Variants in PFKFB3 observed in about 807,000 individuals in gnomAD.
PFKFB3 encodes 6-phosphofructo-2-kinase/fructose-2,6-bisphosphatase 3.
In PFKFB3, 33 loss-of-function variants were observed where a neutral mutation model predicts 68.0. That is an observed-to-expected ratio of 0.49 (90% confidence interval 0.37 to 0.65). The LOEUF is 0.65. Ranked by LOEUF, PFKFB3 falls within the 30% of genes least tolerant of loss-of-function variation. The pLI is 0.00. For missense variants in PFKFB3, 586 were observed against 712.2 expected (o/e 0.82, Z 2.02); for synonymous variants, 315 against 288.2 (o/e 1.09, Z -0.94).
rs751956073 is a variant in PFKFB3 at position 6,229,167 on chromosome 10, T to C, written c.1515+2802T>C. 1 of 477,054 alleles carries C rather than the reference T, an allele frequency of 2.1e-6. No individual in the cohort carries two copies. The highest frequency in any genetic ancestry group is 3.3e-4 in the Middle Eastern group (1 of 3,050). The allele number at this position is 477,054 out of a possible 1,614,324, so 29.6% of individuals were successfully genotyped here. On this transcript the variant is annotated intron_variant, in intron 14 of 14. Transcript: ENST00000379775. This position sits in a 1 kb window ranked among gnomAD's most constrained non-coding sequence, Gnocchi z 4.3. Reference sequence around the variant, plus strand: ...AGATGCTGAAAAGAATGACTGGCTTTGGAAATGGGAGAGGTTTGGCATGGC... The same window carrying C: ...AGATGCTGAAAAGAATGACTGGCTTCGGAAATGGGAGAGGTTTGGCATGGC...
intron 1 of PFKFB3, among the ~76,000 whole-genome samples, chr10:6,157,382 C>G (rs547253242): frequency 6.6e-6 from 1 of 151,602 alleles, no homozygotes; most frequent in Non-Finnish European, 1.5e-5. Context: ...GCCCGCCGCC[C>G]CGCCCAGCTA....
At chr10:6,226,409 G>A (rs367836321) in intron 14 of PFKFB3, 44 bp downstream of exon 14, 51 of 1,548,538 alleles carry the variant, frequency 3.3e-5, no homozygotes, top group East Asian at 4.5e-5. Context: ...GACGCATGCC[G>A]GGCGTGATGC....
exon 15 of PFKFB3, chr10:6,254,295 G>T: frequency 2.5e-6 from 1 of 398,518 alleles, no homozygotes; most frequent in Admixed American, 4.4e-5. Context: ...TGGACCCGGG[G>T]CTGCACCAAG....
intron 1 of PFKFB3, chr10:6,150,000 T>C (rs1291416842): frequency 6.6e-6 from 1 of 152,250 alleles, no homozygotes; most frequent in Non-Finnish European, 1.5e-5. Flanking sequence ...CCTAGGTTGA[T>C]TCCATGTCTT....
chr10:6,221,673 C>G lies in PFKFB3; in HGVS notation c.1011C>G (p.Ile337Met). ...GTGAGGAGCTGACCTACGAGGAGATCAGGGACACCTACCCTGAGGAGTATG... is the reference window on the plus strand; with the variant it reads ...GTGAGGAGCTGACCTACGAGGAGATGAGGGACACCTACCCTGAGGAGTATG... Reference protein sequence around the residue: ...GVCEELTYEEIRDTYPEEYAL... With the variant: ...GVCEELTYEEMRDTYPEEYAL... The change falls in exon 10 of 15, where the codon ATC becomes ATG. Residue 337 changes from isoleucine (I) to methionine (M), a missense_variant. Ile to Met is a conservative substitution (Grantham distance 10, BLOSUM62 1). Coordinates refer to ENST00000379775, the MANE Select transcript of PFKFB3 (RefSeq NM_004566.4). 1 of 1,611,108 alleles carries G rather than the reference C, an allele frequency of 6.2e-7. No individual in the cohort carries two copies. Among genetic ancestry groups the G allele is most frequent in the Non-Finnish European group, 8.5e-7 (1 of 1,179,014 alleles).
intron 1 of PFKFB3, among the ~76,000 whole-genome samples, chr10:6,177,488 T>TTTCTTTCTTTCTTTCTTTC (rs1564600050): frequency 1.5e-4 from 7 of 45,308 alleles, no homozygotes; most frequent in East Asian, 4.9e-4. Context: ...TTCTTTCTTT[T>TTTCTTTCTTTCTTTCTTTC]TCTTTTCTTT....
chr10:6,178,298 G>A (rs1312689539), intron 1 of PFKFB3, among the ~76,000 whole-genome samples: 4 of 152,138 alleles, frequency 2.6e-5, no homozygotes, highest in East Asian at 3.9e-4. Context: ...TGTGTGGGGC[G>A]CCCCTGCTGT....
intron 1 of PFKFB3, among the ~76,000 whole-genome samples, chr10:6,203,922 C>A (rs945864361): frequency 3.3e-5 from 5 of 152,254 alleles, no homozygotes; most frequent in African/African-American, 4.8e-5. Flanking sequence ...CTCCTTCTCT[C>A]TCTTCCGTGC....
chr10:6,195,525 G>C (rs1052416146), intron 1 of PFKFB3, among the ~76,000 whole-genome samples: 1 of 152,242 alleles, frequency 6.6e-6, no homozygotes, highest in African/African-American at 2.4e-5. Flanking sequence ...GGCTGGCCAT[G>C]TCTGCATGGG....
chr10:6,180,590 G>A (rs1370823271), intron 1 of PFKFB3, among the ~76,000 whole-genome samples: 1 of 151,680 alleles, frequency 6.6e-6, no homozygotes, highest in African/African-American at 2.4e-5. Context: ...TCAGCCTCCT[G>A]AGTAGCTGAA....
chr10:6,198,445 G>A (rs1363064494), upstream of PFKFB3, among the ~76,000 whole-genome samples: 1 of 152,038 alleles, frequency 6.6e-6, no homozygotes, highest in Non-Finnish European at 1.5e-5. Flanking sequence ...GAGACACTAA[G>A]TCCACTAGAT....
downstream of PFKFB3, among the ~76,000 whole-genome samples, chr10:6,257,511 G>A (rs1474522645): frequency 2.0e-5 from 3 of 152,228 alleles, no homozygotes; most frequent in African/African-American, 7.2e-5. Flanking sequence ...GGACTTGTAA[G>A]AGTGGCCAGG....
intron 14 of PFKFB3, among the ~76,000 whole-genome samples, chr10:6,250,337 G>A (rs959173579): frequency 1.3e-5 from 2 of 151,984 alleles, no homozygotes; most frequent in African/African-American, 2.4e-5. Flanking sequence ...AGGCCGAGGC[G>A]GGCAGATCAC....
intron 1 of PFKFB3, among the ~76,000 whole-genome samples, chr10:6,203,853 TTC>T (rs1843504490): frequency 1.3e-5 from 2 of 152,216 alleles, no homozygotes; most frequent in Non-Finnish European, 2.9e-5. Context: ...GTCTCTGTTT[TTC>T]TCTGTTTCTA....
At chr10:6,271,490 C>T in the PFKFB3 span, among the ~76,000 whole-genome samples, 8 of 152,112 alleles carry the variant, frequency 5.3e-5, no homozygotes, top group Non-Finnish European at 7.4e-5. Flanking sequence ...GCTGGGAAGC[C>T]GAATTCTTTG....
rs1695457866 is a variant in PFKFB3, at chr10:6,234,945, G to A, written c.*2003G>A. On this transcript the variant is annotated 3_prime_UTR_variant, in exon 15 of 15. Coordinates refer to ENST00000379775, the MANE Select transcript of PFKFB3 (RefSeq NM_004566.4). The stretch of plus-strand genomic sequence containing the variant: ...GGTAACATGAATCTGGACAGGGAGG[G>A]AGATACTATAGAAAGGAGAACACTG... The A allele has an allele frequency of 6.7e-6, 1 of 149,540 alleles. No individual in the cohort carries two copies. Among genetic ancestry groups the A allele is most frequent in the South Asian group, 2.1e-4 (1 of 4,680 alleles). 9.3% of individuals were successfully genotyped at this position (149,540 alleles called of 1,614,324 possible). A position where few individuals can be genotyped will look rare whatever the true frequency, so the allele number is the denominator to read the frequency against.
chr10:6,208,055 G>A (rs1366388295), intron 1 of PFKFB3, among the ~76,000 whole-genome samples: 1 of 152,110 alleles, frequency 6.6e-6, no homozygotes, highest in Non-Finnish European at 1.5e-5. Context: ...GTAAGCAACA[G>A]GTAAAAGACA....
chr10:6,318,866 G>A, the PFKFB3 span, among the ~76,000 whole-genome samples: 7 of 152,174 alleles, frequency 4.6e-5, no homozygotes, highest in African/African-American at 1.4e-4. Flanking sequence ...TGGGACTTGC[G>A]AAGGTCTGGA....
chr10:6,164,002 G>C (rs1318126119), intron 1 of PFKFB3: 1 of 152,472 alleles, frequency 6.6e-6, no homozygotes, highest in Non-Finnish European at 1.5e-5. Context: ...AGAGGAAATA[G>C]GCCCGGCAGG....
Sources: gnomAD v4.1 joint callset for allele counts (sites outside exome capture counted in the v4.1 genomes callset) on GRCh38, gnomAD v4.1.1 for gene constraint, Gnocchi (gnomAD v3.1) non-coding constraint, MANE v1.5 for transcripts, NCBI Gene and HGNC (gene_info 2026-07-23, HGNC 2026-07-21) for gene names.